PDE1A: variants seen among roughly 807,000 people sequenced by gnomAD.
PDE1A encodes phosphodiesterase 1A.
A neutral mutation model predicts 61.7 loss-of-function variants in PDE1A; 35 were observed. The ratio of observed to expected loss-of-function variants is 0.57; its 90% confidence interval spans 0.43 to 0.75. PDE1A has a LOEUF of 0.75. PDE1A is among the 30% of genes least tolerant of loss of function. The pLI is 0.00. For missense variants in PDE1A, 597 were observed against 630.6 expected (o/e 0.95, Z 0.57); for synonymous variants, 232 against 213.2 (o/e 1.09, Z -0.77).
chr2:182,198,477 G>A (rs568664737), intron 10 of PDE1A, among the ~76,000 whole-genome samples: 11 of 151,894 alleles, frequency 7.2e-5, no homozygotes, highest in Admixed American at 4.6e-4. Flanking sequence ...TATCACATTC[G>A]CTATAGACCT....
At chr2:182,375,776 A>C (rs952502097) in intron 1 of PDE1A, among the ~76,000 whole-genome samples, 2 of 152,234 alleles carry the variant, frequency 1.3e-5, no homozygotes, top group African/African-American at 2.4e-5. Context: ...ATCCTGCAGC[A>C]AACTTCTGCC....
chr2:182,691,018 C>T, the PDE1A span, among the ~76,000 whole-genome samples: 1 of 151,854 alleles, frequency 6.6e-6, no homozygotes, highest in Admixed American at 6.6e-5. Flanking sequence ...CACTGCTCAA[C>T]GAAATAAAAG....
At chr2:182,710,158 G>C in the PDE1A span, among the ~76,000 whole-genome samples, 6 of 152,296 alleles carry the variant, frequency 3.9e-5, no homozygotes, top group African/African-American at 1.4e-4. Context: ...GCCTCCCAAA[G>C]TGCTGGGATT....
intron 2 of PDE1A, among the ~76,000 whole-genome samples, chr2:182,511,415 A>G (rs1239609432): frequency 2.0e-5 from 3 of 152,086 alleles, no homozygotes; most frequent in Non-Finnish European, 4.4e-5. Flanking sequence ...GGCCAGGGTG[A>G]GTAAAATAGG....
intron 1 of PDE1A, among the ~76,000 whole-genome samples, chr2:182,283,993 A>G (rs1162470417): frequency 6.6e-6 from 1 of 152,104 alleles, no homozygotes; most frequent in Non-Finnish European, 1.5e-5. Flanking sequence ...AGTTATAACA[A>G]TCAAGTACAT....
the PDE1A span, among the ~76,000 whole-genome samples, chr2:182,642,663 AGATGCTGAAGTTTATCTATACATTTTC>A: frequency 1.3e-5 from 2 of 152,300 alleles, no homozygotes; most frequent in East Asian, 3.9e-4. Flanking sequence ...ATTGGGGAAG[AGATGCTGAAGTTTATCTATACATTTTC>A]TTTTTCACTT....
chr2:182,406,228 C>A (rs1702288682), intron 1 of PDE1A, among the ~76,000 whole-genome samples: 1 of 152,008 alleles, frequency 6.6e-6, no homozygotes, highest in Admixed American at 6.5e-5. Context: ...GCCATTTTTA[C>A]AGATTATATT....
chr2:182,700,721 C>CAAAAAAAAAAAAAAAAAAAAAAAAAAA, the PDE1A span, among the ~76,000 whole-genome samples: 3 of 24,008 alleles, frequency 1.2e-4, 1 homozygote, highest in Admixed American at 6.0e-4. Context: ...GACTCCATCT[C>CAAAAAAAAAAAAAAAAAAAAAAAAAAA]AAAAAAAAAA....
the PDE1A span, among the ~76,000 whole-genome samples, chr2:182,656,953 G>C: frequency 6.6e-6 from 1 of 152,204 alleles, no homozygotes; most frequent in African/African-American, 2.4e-5. Flanking sequence ...GGCCAGGTGC[G>C]GTGGCTCATG....
intron 13 of PDE1A, among the ~76,000 whole-genome samples, chr2:182,174,929 GT>G (rs1692594900): frequency 6.6e-6 from 1 of 151,944 alleles, no homozygotes; most frequent in Non-Finnish European, 1.5e-5. Context: ...GGTGTATGAT[GT>G]TCCCTTCCCT....
At chr2:182,293,578 T>A (rs1000291033) in intron 1 of PDE1A, among the ~76,000 whole-genome samples, 3 of 152,142 alleles carry the variant, frequency 2.0e-5, no homozygotes, top group African/African-American at 7.2e-5. Flanking sequence ...AATACAATAG[T>A]GTCCCCTCAT....
At chr2:182,269,016 A>G (rs1692826309) in intron 1 of PDE1A, among the ~76,000 whole-genome samples, 1 of 152,184 alleles carries the variant, frequency 6.6e-6, no homozygotes, top group African/African-American at 2.4e-5. Context: ...AAATTAACCC[A>G]GATATGACAA....
chr2:182,448,075 C>A (rs759883800), intron 2 of PDE1A, among the ~76,000 whole-genome samples: 4 of 152,090 alleles, frequency 2.6e-5, no homozygotes, highest in Non-Finnish European at 4.4e-5. Context: ...TGATGACAAG[C>A]TGCATTTTTA....
intron 2 of PDE1A, among the ~76,000 whole-genome samples, chr2:182,466,271 C>G (rs991392820): frequency 6.6e-6 from 1 of 151,974 alleles, no homozygotes; most frequent in African/African-American, 2.4e-5. Flanking sequence ...CATTTTCTTC[C>G]TAAGAGTTAC....
At chr2:182,301,455 G>T (rs1353595143) in intron 1 of PDE1A, among the ~76,000 whole-genome samples, 1 of 152,146 alleles carries the variant, frequency 6.6e-6, no homozygotes, top group East Asian at 1.9e-4. Flanking sequence ...GGTGATGTGT[G>T]CTTCCCATGT....
intron 2 of PDE1A, among the ~76,000 whole-genome samples, chr2:182,506,284 T>C (rs1314784338): frequency 6.6e-6 from 1 of 152,230 alleles, no homozygotes. Flanking sequence ...TTGGTTTGAT[T>C]ATAAGTAGGA....
chr2:182,662,058 A>G, the PDE1A span, among the ~76,000 whole-genome samples: 1 of 152,080 alleles, frequency 6.6e-6, no homozygotes, highest in Non-Finnish European at 1.5e-5. Flanking sequence ...AAAAAACTAC[A>G]AAAAATATGA....
At chr2:182,612,100 A>C in the PDE1A span, among the ~76,000 whole-genome samples, 1 of 152,228 alleles carries the variant, frequency 6.6e-6, no homozygotes. Context: ...GTCCAAAACA[A>C]ATATACACAA....
At chr2:182,586,710 C>T in the PDE1A span, among the ~76,000 whole-genome samples, 1 of 152,182 alleles carries the variant, frequency 6.6e-6, no homozygotes, top group African/African-American at 2.4e-5. Flanking sequence ...CGTCTTCAGA[C>T]ATTGCTGAAT....
Sources: gnomAD v4.1 joint callset for allele counts (sites outside exome capture counted in the v4.1 genomes callset) on GRCh38, gnomAD v4.1.1 for gene constraint, MANE v1.5 for transcripts, NCBI Gene and HGNC (gene_info 2026-07-23, HGNC 2026-07-21) for gene names.